The following AKAP10 variants were observed in gnomAD, a reference collection of about 807,000 sequenced individuals.
The protein encoded by AKAP10 is A-kinase anchoring protein 10.
AKAP10 carries 24 observed loss-of-function variants against 80.8 expected under a neutral mutation model. The ratio of observed to expected loss-of-function variants is 0.30; its 90% CI spans 0.22 to 0.42. The LOEUF (loss-of-function observed/expected upper bound fraction) is 0.42, where lower values mean the gene tolerates loss of function less well. AKAP10 is among the 10% of genes least tolerant of loss of function. The pLI is 1.00. For synonymous variants in AKAP10, 291 were observed against 277.7 expected (o/e 1.05, Z -0.48); for missense variants, 661 against 794.9 (o/e 0.83, Z 2.03).
At chr17:19,914,427 G>A (rs1207495258) in intron 12 of AKAP10, among the ~76,000 whole-genome samples, 1 of 152,038 alleles carries the variant, frequency 6.6e-6, no homozygotes, top group African/African-American at 2.4e-5. Context: ...GAGAGATGTG[G>A]ATTGCTTGCG....
At chr17:19,928,456 T>C (rs1438019737) in intron 10 of AKAP10, among the ~76,000 whole-genome samples, 1 of 152,164 alleles carries the variant, frequency 6.6e-6, no homozygotes. Flanking sequence ...GCTGTAAAAC[T>C]CATACACTGC....
chr17:19,945,144 AC>A (rs1362069802), intron 5 of AKAP10, among the ~76,000 whole-genome samples: 15 of 152,338 alleles, frequency 9.8e-5, no homozygotes, highest in African/African-American at 3.6e-4. Flanking sequence ...TTCTTTGATC[AC>A]AAAATGTTAT....
rs527922451 is a variant in AKAP10, at chr17:19,970,398, A to C, written c.89-1937T>G. On this transcript the variant is annotated intron_variant, in intron 1 of 14. Transcript: ENST00000225737. Reference sequence around the variant, plus strand: ...CCTATGTTATACTTCTAACATATACACAACTCAACAATCAAATATCAGCAT... The same window carrying C: ...CCTATGTTATACTTCTAACATATACCCAACTCAACAATCAAATATCAGCAT... Among the ~76,000 whole-genome samples, 4 of 152,356 alleles carry C rather than the reference A, an allele frequency of 2.6e-5. No individual in the cohort carries two copies. The South Asian group carries it at 8.3e-4, about 32-fold the overall frequency.
At chr17:19,973,137 G>A (rs1332295372) in intron 1 of AKAP10, among the ~76,000 whole-genome samples, 4 of 152,102 alleles carry the variant, frequency 2.6e-5, no homozygotes, top group African/African-American at 4.8e-5. Context: ...CCACCACCAT[G>A]CCCAGCTATT....
intron 1 of AKAP10, among the ~76,000 whole-genome samples, chr17:19,971,402 G>A (rs967247234): frequency 1.3e-5 from 2 of 151,394 alleles, no homozygotes; most frequent in East Asian, 2.0e-4. Flanking sequence ...CCAACTACTC[G>A]GGAGGCTGAG....
intron 1 of AKAP10, among the ~76,000 whole-genome samples, chr17:19,973,653 A>C (rs777883482): frequency 1.3e-5 from 2 of 152,240 alleles, no homozygotes; most frequent in Admixed American, 6.5e-5. Context: ...CTGCCTCCTC[A>C]ATCTTTATAA....
At chr17:19,936,144 A>G in intron 9 of AKAP10, 142 bp downstream of exon 9, 2 of 908,068 alleles carry the variant, frequency 2.2e-6, no homozygotes, top group South Asian at 2.0e-5. Flanking sequence ...ACCAGGCCAG[A>G]CTCAAGGCCT....
intron 4 of AKAP10, among the ~76,000 whole-genome samples, chr17:19,952,134 C>T (rs891705496): frequency 1.3e-5 from 2 of 148,880 alleles, no homozygotes; most frequent in African/African-American, 4.9e-5. Context: ...ATTAAATTTA[C>T]CAACAAAAAC....
chr17:19,960,953 G>A (rs909115839), intron 3 of AKAP10, among the ~76,000 whole-genome samples: 3 of 152,020 alleles, frequency 2.0e-5, no homozygotes, highest in African/African-American at 7.3e-5. Flanking sequence ...TTGAACCTGG[G>A]AGGCGGAGGT....
rs2043372857 is a variant in AKAP10, at chr17:19,963,075, ACT to A, written c.137-55_137-54del. The A allele has an allele frequency of 5.5e-6, 8 of 1,458,374 alleles. No homozygotes were observed. The South Asian group carries it at 1.1e-4, about 20-fold the overall frequency. The allele number at this position is 1,458,374 out of a possible 1,614,324, so 90.3% of individuals were successfully genotyped here. ...ATTAAACACAATTTGATAGCCTAAA[ACT>A]CTCATAAAGGGGCTTTCAGAGAACT... On this transcript the variant is annotated intron_variant, in intron 2 of 14. Transcript: ENST00000225737.
intron 9 of AKAP10, among the ~76,000 whole-genome samples, chr17:19,934,767 C>T (rs1175179897): frequency 1.3e-5 from 2 of 152,164 alleles, no homozygotes; most frequent in Non-Finnish European, 2.9e-5. Context: ...AATCCCAGCA[C>T]TTTCGGAGGC....
At chr17:19,926,113 T>C (rs1424780632) in intron 10 of AKAP10, among the ~76,000 whole-genome samples, 1 of 152,134 alleles carries the variant, frequency 6.6e-6, no homozygotes, top group African/African-American at 2.4e-5. Context: ...ATTGAAAAGA[T>C]TATACACCAT....
At chr17:19,959,402 A>G (rs1446808006) in intron 3 of AKAP10, among the ~76,000 whole-genome samples, 1 of 152,200 alleles carries the variant, frequency 6.6e-6, no homozygotes, top group Non-Finnish European at 1.5e-5. Context: ...TTGGAGGAGC[A>G]TTCAGGAACA....
At chr17:19,934,987 G>A (rs2042977049) in intron 9 of AKAP10, among the ~76,000 whole-genome samples, 1 of 152,158 alleles carries the variant, frequency 6.6e-6, no homozygotes, top group Admixed American at 6.6e-5. Context: ...ACTCCAGCCT[G>A]GACAATGGAG....
At chr17:19,957,066 A>C (rs1257460433) in intron 4 of AKAP10, among the ~76,000 whole-genome samples, 1 of 152,200 alleles carries the variant, frequency 6.6e-6, no homozygotes, top group Non-Finnish European at 1.5e-5. Context: ...ATTTAAGATG[A>C]AAAAGAACAT....
intron 12 of AKAP10, among the ~76,000 whole-genome samples, chr17:19,913,717 C>G (rs2042715932): frequency 6.6e-6 from 1 of 152,176 alleles, no homozygotes; most frequent in Non-Finnish European, 1.5e-5. Context: ...CTGTGAGTAT[C>G]CTCGGAAGTA....
chr17:19,954,921 TA>T (rs557915365), intron 4 of AKAP10, among the ~76,000 whole-genome samples: 45 of 146,030 alleles, frequency 3.1e-4, no homozygotes, highest in Admixed American at 3.4e-4. Context: ...AATGTAAATT[TA>T]AAAAAAAAAA....
intron 12 of AKAP10, among the ~76,000 whole-genome samples, chr17:19,914,253 GC>G (rs1170676873): frequency 6.6e-6 from 1 of 152,124 alleles, no homozygotes; most frequent in Non-Finnish European, 1.5e-5. Context: ...CTCCAACCCA[GC>G]CTCCCAAAGT....
chr17:19,937,993 T>C (rs1457240859), intron 8 of AKAP10, among the ~76,000 whole-genome samples: 1 of 151,062 alleles, frequency 6.6e-6, no homozygotes, highest in African/African-American at 2.4e-5. Context: ...TTTTTTTTTT[T>C]TTGAGATGCA....
Sources: allele counts gnomAD v4.1 joint callset (sites outside exome capture counted in the v4.1 genomes callset), GRCh38; gene constraint gnomAD v4.1.1; transcripts MANE v1.5; gene names NCBI Gene and HGNC (gene_info 2026-07-23, HGNC 2026-07-21).